The following CMIP variants were observed in gnomAD, a reference collection of about 807,000 sequenced individuals.
The protein encoded by CMIP is C-Maf-inducing protein.
Under a neutral mutation model 97.3 loss-of-function variants are expected in CMIP, and 13 were observed. That is an observed-to-expected ratio of 0.13 (90% CI 0.09 to 0.21). The LOEUF is 0.21. Ranked by LOEUF, CMIP falls within the 10% of genes least tolerant of loss-of-function variation. The pLI is 1.00. For missense variants in CMIP, 847 were observed against 1,024.9 expected (o/e 0.83, Z 2.37); for synonymous variants, 538 against 436.3 (o/e 1.23, Z -2.91).
At chr16:81,615,381 GTGTA>G (rs1329880205) in intron 2 of CMIP, among the ~76,000 whole-genome samples, 1 of 148,274 alleles carries the variant, frequency 6.7e-6, no homozygotes, top group Admixed American at 6.7e-5. Flanking sequence ...TGTATGGTGT[GTGTA>G]TGGTGTGTGT....
intron 1 of CMIP, among the ~76,000 whole-genome samples, chr16:81,488,281 TCTTCCTCCA>T (rs370787441): frequency 1.2e-4 from 18 of 152,296 alleles, no homozygotes; most frequent in South Asian, 4.1e-4. Flanking sequence ...TTTAAATTCC[TCTTCCTCCA>T]CTTCCTCCAC....
At chr16:81,495,586 A>G in intron 1 of CMIP, 1 of 1,364,342 alleles carries the variant, frequency 7.3e-7, no homozygotes, top group South Asian at 1.2e-5. Context: ...AGTGAAATTC[A>G]CAGACCCACT....
At chr16:81,487,201 C>G (rs897515362) in intron 1 of CMIP, among the ~76,000 whole-genome samples, 12 of 152,202 alleles carry the variant, frequency 7.9e-5, no homozygotes, top group African/African-American at 2.4e-4. Context: ...GGGGTGCCCC[C>G]TCCCCACCCT....
chr16:81,573,136 G>C (rs978182512), intron 1 of CMIP, among the ~76,000 whole-genome samples: 1 of 152,218 alleles, frequency 6.6e-6, no homozygotes, highest in East Asian at 1.9e-4. Context: ...TTGAGATCAG[G>C]AGTTGGAGAC....
rs551799072 is a variant in CMIP, at chr16:81,482,433, G to A, written c.300+36892G>A. 2.6e-5 allele frequency among the ~76,000 whole-genome samples: 4 copies of A among 152,312 alleles called. No individual in the cohort carries two copies. In the South Asian group the frequency reaches 8.3e-4, roughly 32 times the overall value. On this transcript the variant is annotated intron_variant, in intron 1 of 20. Coordinates refer to ENST00000537098, the MANE Select transcript of CMIP (RefSeq NM_198390.3). Reference sequence around the variant, plus strand: ...GTGCTTGGCTTTGGAGGGGTGCTGGGCGCCTAAGTACCTGGAGGAGGAGCT... The same window carrying A: ...GTGCTTGGCTTTGGAGGGGTGCTGGACGCCTAAGTACCTGGAGGAGGAGCT...
At chr16:81,630,789 T>C (rs1184048939) in intron 3 of CMIP, 1 of 152,136 alleles carries the variant, frequency 6.6e-6, no homozygotes, top group Non-Finnish European at 1.5e-5. Context: ...TGTGACCTCT[T>C]AAGAGGGGAT....
At chr16:81,536,158 GGTAA>G (rs1567565573) in intron 1 of CMIP, among the ~76,000 whole-genome samples, 1 of 152,194 alleles carries the variant, frequency 6.6e-6, no homozygotes, top group Non-Finnish European at 1.5e-5. Flanking sequence ...TTTGAAATCA[GGTAA>G]GTGTTAATTA....
At position 81,600,557 on chromosome 16, in the gene CMIP, C is replaced by A. The variant is rs773462964; in HGVS notation, c.301-7010C>A. 6.8e-4 allele frequency among the ~76,000 whole-genome samples: 104 copies of A among 152,256 alleles called. 1 individual carries two copies. The highest frequency in any genetic ancestry group is 9.8e-4 in the Admixed American group (15 of 15,300). On this transcript the variant is annotated intron_variant, in intron 1 of 20. Transcript: ENST00000537098. Reference sequence around the variant, plus strand: ...ACAGGCAAGTCCCATTGATAGATACCAGGCTAGTGGCTGCCTGGCGCCTGG... The same window carrying A: ...ACAGGCAAGTCCCATTGATAGATACAAGGCTAGTGGCTGCCTGGCGCCTGG...
Position 81,710,870 on chromosome 16 carries a change from G to C in CMIP, c.*1071G>C, listed in dbSNP as rs1361924493. The stretch of plus-strand genomic sequence containing the variant: ...GCTCCTGTCCCTGTCAGCCTTTGCT[G>C]TCCCCTGTCCCCAACGGAGACTCTG... On this transcript the variant is annotated 3_prime_UTR_variant, in exon 21 of 21. Transcript: ENST00000537098. 6.6e-6 allele frequency: 1 copy of C among 152,020 alleles called. No individual in the cohort carries two copies. The highest frequency in any genetic ancestry group is 2.1e-4 in the South Asian group (1 of 4,810). 9.4% of individuals were successfully genotyped at this position (152,020 alleles called of 1,614,324 possible). A position where few individuals can be genotyped will look rare whatever the true frequency, so the allele number is the denominator to read the frequency against.
intron 2 of CMIP, among the ~76,000 whole-genome samples, chr16:81,609,395 G>T (rs894390463): frequency 6.6e-6 from 1 of 152,162 alleles, no homozygotes. Context: ...AGATGGGGCG[G>T]GCAATCACAG....
chr16:81,473,934 A>G (rs537789771), intron 1 of CMIP, among the ~76,000 whole-genome samples: 5 of 151,438 alleles, frequency 3.3e-5, no homozygotes, highest in East Asian at 1.9e-4. Flanking sequence ...AAACATTTCT[A>G]TGTGACTTAC....
intron 1 of CMIP, among the ~76,000 whole-genome samples, chr16:81,577,465 C>T (rs1289147065): frequency 3.1e-5 from 3 of 96,732 alleles, no homozygotes; most frequent in South Asian, 3.9e-4. Context: ...CCACCATCAT[C>T]CCCATTACCA....
intron 1 of CMIP, among the ~76,000 whole-genome samples, chr16:81,529,661 C>G (rs2090195127): frequency 6.6e-6 from 1 of 152,130 alleles, no homozygotes; most frequent in Non-Finnish European, 1.5e-5. Context: ...ACAGGGGTCC[C>G]TACCAGGGAC....
intron 1 of CMIP, among the ~76,000 whole-genome samples, chr16:81,580,835 G>A (rs2091284477): frequency 6.6e-6 from 1 of 152,084 alleles, no homozygotes; most frequent in African/African-American, 2.4e-5. Context: ...GCGGCCTTTA[G>A]CAAATTCGCG....
At chr16:81,533,934 T>G (rs1198718015) in intron 1 of CMIP, 1 of 152,238 alleles carries the variant, frequency 6.6e-6, no homozygotes, top group Non-Finnish European at 1.5e-5. Flanking sequence ...GAGCATCTTC[T>G]GGGCAGCTGA....
intron 5 of CMIP, among the ~76,000 whole-genome samples, chr16:81,659,700 G>A (rs1205101854): frequency 1.3e-5 from 2 of 152,204 alleles, no homozygotes; most frequent in Non-Finnish European, 2.9e-5. Context: ...ACAAGCCTGG[G>A]AAAGAAATTT....
chr16:81,522,537 G>A (rs1248820367), intron 1 of CMIP, among the ~76,000 whole-genome samples: 1 of 152,214 alleles, frequency 6.6e-6, no homozygotes, highest in Admixed American at 6.5e-5. Flanking sequence ...ATTTTGAAAA[G>A]TAAAAAGAAT....
intron 1 of CMIP, among the ~76,000 whole-genome samples, chr16:81,529,472 G>A (rs2150820036): frequency 6.6e-6 from 1 of 152,326 alleles, no homozygotes; most frequent in Admixed American, 6.5e-5. Flanking sequence ...CTGTGAAACT[G>A]TGGGGCAGTG....
intron 1 of CMIP, among the ~76,000 whole-genome samples, chr16:81,580,124 G>T (rs12926649): frequency 1.3e-5 from 2 of 151,970 alleles, no homozygotes; most frequent in African/African-American, 4.8e-5. Flanking sequence ...GGAGGCAGGG[G>T]TTTCCTAACC....
Sources: allele counts gnomAD v4.1 joint callset (sites outside exome capture counted in the v4.1 genomes callset), GRCh38; gene constraint gnomAD v4.1.1; transcripts MANE v1.5; gene names NCBI Gene and HGNC (gene_info 2026-07-23, HGNC 2026-07-21).